Variants in OPCML observed in about 807,000 individuals in gnomAD.
The protein encoded by OPCML is opioid binding protein/cell adhesion molecule like.
A neutral mutation model predicts 37.8 loss-of-function variants in OPCML; 13 were observed. The observed-to-expected ratio is 0.34, with a 90% CI of 0.22 to 0.55. The LOEUF (loss-of-function observed/expected upper bound fraction) is 0.55. Among genes scored for constraint, OPCML ranks in the 20% least tolerant of loss-of-function variants. The pLI, the probability that OPCML is intolerant of heterozygous loss-of-function variation, is 0.91. For synonymous variants in OPCML, 176 were observed against 168.8 expected, an observed-to-expected ratio of 1.04 and a Z score of -0.33; for missense variants, 341 against 435.6, an observed-to-expected ratio of 0.78 and a Z score of 1.93.
At chr11:133,364,913 T>TAA (rs10669945) in intron 1 of OPCML, among the ~76,000 whole-genome samples, 13,978 of 152,152 alleles carry the variant, frequency 0.092, 713 homozygotes, top group Admixed American at 0.15. Flanking sequence ...AAATTGAGAC[T>TAA]GATGCTGTCA....
intron 1 of OPCML, among the ~76,000 whole-genome samples, chr11:133,406,700 A>C (rs1945533887): frequency 1.3e-5 from 2 of 152,194 alleles, no homozygotes; most frequent in South Asian, 4.1e-4. Flanking sequence ...AGATAAAGCC[A>C]GGCACATGGA....
At chr11:133,080,963 C>T (rs1467899864) in intron 1 of OPCML, among the ~76,000 whole-genome samples, 1 of 152,026 alleles carries the variant, frequency 6.6e-6, no homozygotes, top group African/African-American at 2.4e-5. Context: ...GTGAAGCGTG[C>T]ATGGTGGGGA....
At chr11:132,921,628 G>T (rs1429047502) in intron 2 of OPCML, among the ~76,000 whole-genome samples, 1 of 152,168 alleles carries the variant, frequency 6.6e-6, no homozygotes, top group Non-Finnish European at 1.5e-5. Flanking sequence ...GACATAAATG[G>T]GATCCTAGCC....
chr11:133,372,625 G>A (rs904276404), intron 1 of OPCML, among the ~76,000 whole-genome samples: 3 of 152,182 alleles, frequency 2.0e-5, no homozygotes, highest in Admixed American at 2.0e-4. Flanking sequence ...GACTAAGCAA[G>A]CTAATGTATG....
chr11:133,187,507 G>A lies in OPCML; in HGVS notation c.62-244497C>T, dbSNP rs552551508. 3.9e-5 allele frequency among the ~76,000 whole-genome samples: 6 copies of A among 152,112 alleles called. No homozygotes were observed. The South Asian group carries it at 6.2e-4, about 16-fold the overall frequency. On this transcript the variant is annotated intron_variant, in intron 1 of 7. Transcript: ENST00000524381. ...GATACCTATTCAGTTGCTTCTTTTC[G>A]CATGGTCTGTTGGTTTTTCTGGCCT...
At chr11:133,192,743 A>T (rs1025221621) in intron 1 of OPCML, among the ~76,000 whole-genome samples, 3 of 152,210 alleles carry the variant, frequency 2.0e-5, no homozygotes, top group Admixed American at 6.5e-5. Context: ...TGTTGTGAAT[A>T]TCAATTTCTA....
At chr11:132,610,968 C>T (rs920226635) in intron 3 of OPCML, among the ~76,000 whole-genome samples, 3 of 152,228 alleles carry the variant, frequency 2.0e-5, no homozygotes, top group Non-Finnish European at 4.4e-5. Context: ...GCAATGGCTT[C>T]TCTCTCTTCC....
intron 1 of OPCML, among the ~76,000 whole-genome samples, chr11:133,411,402 A>C (rs1346805831): frequency 6.6e-6 from 1 of 152,162 alleles, no homozygotes; most frequent in Non-Finnish European, 1.5e-5. Flanking sequence ...GTGGCTCTGA[A>C]ATGCCTTCCC....
intron 1 of OPCML, among the ~76,000 whole-genome samples, chr11:132,962,975 G>A (rs1353385826): frequency 6.6e-6 from 1 of 152,166 alleles, no homozygotes; most frequent in Non-Finnish European, 1.5e-5. Flanking sequence ...CAGGAGGCCT[G>A]CTTGACACGC....
intron 2 of OPCML, among the ~76,000 whole-genome samples, chr11:132,815,210 C>T (rs140345743): frequency 0.016 from 2,488 of 152,280 alleles, 27 homozygotes; most frequent in Middle Eastern, 0.027. Context: ...AAACGTCTAT[C>T]GGATTATGCC....
chr11:132,495,671 C>A (rs964380674), intron 4 of OPCML, among the ~76,000 whole-genome samples: 15 of 152,112 alleles, frequency 9.9e-5, no homozygotes, highest in African/African-American at 3.6e-4. Flanking sequence ...GCAGGCAGAT[C>A]ACGAGGCCAG....
Position 132,726,861 on chromosome 11 carries a change from C to T in OPCML, c.147-69542G>A, listed in dbSNP as rs546379972. Among the ~76,000 whole-genome samples, 22 of 152,284 alleles carry T rather than the reference C, an allele frequency of 1.4e-4. No homozygotes were observed. In the South Asian group the frequency reaches 3.7e-3, roughly 26 times the overall value. On this transcript the variant is annotated intron_variant, in intron 2 of 7. Transcript: ENST00000524381. Reference sequence around the variant, plus strand: ...ACATGGTTCCATGTGCCTGAAATACCTCCCATCCCTCCGCACTTCCTACCA... The same window carrying T: ...ACATGGTTCCATGTGCCTGAAATACTTCCCATCCCTCCGCACTTCCTACCA...
chr11:132,840,409 C>T (rs1198160681), intron 2 of OPCML, among the ~76,000 whole-genome samples: 2 of 152,222 alleles, frequency 1.3e-5, no homozygotes, highest in South Asian at 2.1e-4. Context: ...GTGGAAGGCG[C>T]TGGGCCCAGG....
At chr11:132,618,865 C>G (rs1023290552) in intron 3 of OPCML, among the ~76,000 whole-genome samples, 1 of 151,948 alleles carries the variant, frequency 6.6e-6, no homozygotes, top group South Asian at 2.1e-4. Context: ...TTGTAACCTG[C>G]TCTTGACCAA....
intron 2 of OPCML, among the ~76,000 whole-genome samples, chr11:132,844,930 A>C (rs1044364840): frequency 6.9e-6 from 1 of 145,070 alleles, no homozygotes; most frequent in South Asian, 2.2e-4. Context: ...AAGAACATAT[A>C]GAAATAAAAG....
At chr11:133,221,352 C>T (rs1193864804) in intron 1 of OPCML, among the ~76,000 whole-genome samples, 1 of 152,200 alleles carries the variant, frequency 6.6e-6, no homozygotes, top group African/African-American at 2.4e-5. Flanking sequence ...CATCCTAGGC[C>T]CCTTTCTCAC....
At chr11:132,491,413 G>A (rs924599125) in intron 4 of OPCML, among the ~76,000 whole-genome samples, 2 of 152,180 alleles carry the variant, frequency 1.3e-5, no homozygotes, top group African/African-American at 2.4e-5. Context: ...GCTCTTTCCC[G>A]AGAGTGCTCC....
intron 1 of OPCML, chr11:133,064,952 A>T (rs1347696068): frequency 2.0e-5 from 3 of 152,162 alleles, no homozygotes; most frequent in Non-Finnish European, 4.4e-5. Flanking sequence ...CTGGATGAGA[A>T]GAGGAGAAAA....
chr11:132,610,885 T>C (rs1172600128), intron 3 of OPCML, among the ~76,000 whole-genome samples: 1 of 152,182 alleles, frequency 6.6e-6, no homozygotes, highest in East Asian at 1.9e-4. Flanking sequence ...GATTGTTCTG[T>C]CTTTCCTATG....
Sources: allele counts gnomAD v4.1 joint callset (sites outside exome capture counted in the v4.1 genomes callset), GRCh38; gene constraint gnomAD v4.1.1; transcripts MANE v1.5; gene names NCBI Gene and HGNC (gene_info 2026-07-23, HGNC 2026-07-21).